TMEM114: variants seen among roughly 807,000 people sequenced by gnomAD.
TMEM114 encodes the protein transmembrane protein 114.
TMEM114 carries 6 observed loss-of-function variants against 6.2 expected under a neutral mutation model. That is an observed-to-expected ratio of 0.97 (90% CI 0.53 to 1.91). The LOEUF is 1.91. TMEM114 is among the 40% of genes most tolerant of loss of function. The pLI, the probability that TMEM114 is intolerant of heterozygous loss-of-function variation, is 0.01. For synonymous variants in TMEM114, 104 were observed against 73.0 expected (o/e 1.42, Z -2.16); for missense variants, 218 against 158.3 (o/e 1.38, Z -2.02).
intron 2 of TMEM114, among the ~76,000 whole-genome samples, chr16:8,582,999 T>G (rs188312103): frequency 1.0e-3 from 153 of 152,254 alleles, no homozygotes; most frequent in Non-Finnish European, 1.8e-3. Flanking sequence ...CTGCTAGGGT[T>G]CAAATCCTAG....
At chr16:8,537,165 A>G (rs999231874), downstream of TMEM114, among the ~76,000 whole-genome samples, 1 of 151,858 alleles carries the variant, frequency 6.6e-6, no homozygotes, top group Non-Finnish European at 1.5e-5. Flanking sequence ...TGATTGCATC[A>G]CTGCAGTCCA....
At chr16:8,534,398 C>T (rs148656753), downstream of TMEM114, among the ~76,000 whole-genome samples, 1 of 151,102 alleles carries the variant, frequency 6.6e-6, no homozygotes, top group Non-Finnish European at 1.5e-5. Context: ...TATCACTTAT[C>T]ATACTCCTAC....
chr16:8,527,253 C>G, the TMEM114 span, among the ~76,000 whole-genome samples: 1 of 152,294 alleles, frequency 6.6e-6, no homozygotes, highest in Non-Finnish European at 1.5e-5. Context: ...CTGCTCAACT[C>G]ATGGGCCCTT....
intron 2 of TMEM114, among the ~76,000 whole-genome samples, chr16:8,583,510 C>A (rs564735360): frequency 6.6e-6 from 1 of 152,162 alleles, no homozygotes; most frequent in African/African-American, 2.4e-5. Flanking sequence ...TTTGGGAGGC[C>A]AAGGCAGGAG....
intron 2 of TMEM114, among the ~76,000 whole-genome samples, chr16:8,553,826 A>G (rs970327842): frequency 2.6e-5 from 4 of 151,332 alleles, no homozygotes; most frequent in Non-Finnish European, 5.9e-5. Flanking sequence ...CAGCCTCCCA[A>G]GTAGCTGGAA....
chr16:8,540,002 G>C lies in TMEM114; in HGVS notation n.213-2176C>G, dbSNP rs542259402. On this transcript the variant is annotated intron_variant and non_coding_transcript_variant, in intron 2 of 2. Coordinates refer to the TMEM114 transcript ENST00000623677. ...CTGGCTGATTTTTGTATTTTTAGTA[G>C]AGATGGGGTTTCACCACGTTGACCA... Among the ~76,000 whole-genome samples, 68 of 152,042 alleles carry C rather than the reference G, an allele frequency of 4.5e-4. 1 individual carries two copies. The Middle Eastern group carries it at 0.031, about 68-fold the overall frequency.
At chr16:8,537,532 T>C (rs1900394833), downstream of TMEM114, 1 of 152,052 alleles carries the variant, frequency 6.6e-6, no homozygotes, top group Admixed American at 6.6e-5. Flanking sequence ...AAAACAAATA[T>C]ATATTTATAT....
intron 3 of TMEM114, among the ~76,000 whole-genome samples, chr16:8,571,304 T>G (rs954513030): frequency 2.6e-5 from 4 of 152,178 alleles, no homozygotes; most frequent in Non-Finnish European, 5.9e-5. Context: ...TGCTGCTGTT[T>G]AATTGACAAG....
intron 2 of TMEM114, among the ~76,000 whole-genome samples, chr16:8,581,100 C>T (rs1468383286): frequency 6.6e-6 from 1 of 152,100 alleles, no homozygotes; most frequent in Non-Finnish European, 1.5e-5. Flanking sequence ...ATAAGGTAAA[C>T]GTGCATCTTA....
intron 2 of TMEM114, among the ~76,000 whole-genome samples, chr16:8,544,547 G>A (rs550721543): frequency 6.6e-5 from 10 of 152,252 alleles, no homozygotes; most frequent in South Asian, 2.1e-4. Flanking sequence ...ATGAGCAGTC[G>A]GTAGACGACC....
At chr16:8,526,940 G>T in the TMEM114 span, among the ~76,000 whole-genome samples, 1 of 152,322 alleles carries the variant, frequency 6.6e-6, no homozygotes, top group Admixed American at 6.5e-5. Context: ...GGGCACGGTG[G>T]CTCGTGCCTG....
At chr16:8,526,956 C>T in the TMEM114 span, among the ~76,000 whole-genome samples, 8 of 152,260 alleles carry the variant, frequency 5.3e-5, no homozygotes, top group Admixed American at 5.2e-4. Flanking sequence ...GCCTGTAATC[C>T]CAGCACTTTT....
downstream of TMEM114, among the ~76,000 whole-genome samples, chr16:8,566,524 C>T (rs1901550878): frequency 6.6e-6 from 1 of 151,638 alleles, no homozygotes; most frequent in Admixed American, 6.6e-5. Context: ...CAGAATGGAT[C>T]AGAATAGAAC....
downstream of TMEM114, among the ~76,000 whole-genome samples, chr16:8,535,845 A>G (rs1193018679): frequency 6.6e-6 from 1 of 152,184 alleles, no homozygotes; most frequent in Non-Finnish European, 1.5e-5. Flanking sequence ...CACAATACCC[A>G]TGTTTTAGCC....
At chr16:8,541,180 A>G (rs1275067644) in intron 2 of TMEM114, among the ~76,000 whole-genome samples, 1 of 152,162 alleles carries the variant, frequency 6.6e-6, no homozygotes, top group Non-Finnish European at 1.5e-5. Context: ...TGACAATACC[A>G]TGAAGTTGGT....
At chr16:8,580,425 T>G (rs1181099675) in intron 2 of TMEM114, among the ~76,000 whole-genome samples, 2 of 148,764 alleles carry the variant, frequency 1.3e-5, no homozygotes, top group Non-Finnish European at 3.0e-5. Flanking sequence ...AGGCGGAGGC[T>G]GCAGTGAGGC....
intron 2 of TMEM114, among the ~76,000 whole-genome samples, chr16:8,563,295 GAATA>G (rs1457808206): frequency 1.3e-5 from 2 of 150,164 alleles, no homozygotes; most frequent in African/African-American, 2.5e-5. Context: ...ATGAGTGAGT[GAATA>G]AATGAGTGAG....
intron 2 of TMEM114, among the ~76,000 whole-genome samples, chr16:8,550,830 C>T (rs1900819073): frequency 1.3e-5 from 2 of 152,146 alleles, no homozygotes; most frequent in Admixed American, 1.3e-4. Flanking sequence ...AGATTCATCC[C>T]CTTCTTCACC....
intron 2 of TMEM114, among the ~76,000 whole-genome samples, chr16:8,542,800 C>T (rs1900553635): frequency 6.6e-6 from 1 of 152,268 alleles, no homozygotes; most frequent in East Asian, 1.9e-4. Flanking sequence ...TCAGTCTCAA[C>T]TCCCCAATCC....
Sources: gnomAD v4.1 joint callset for allele counts (sites outside exome capture counted in the v4.1 genomes callset) on GRCh38, gnomAD v4.1.1 for gene constraint, MANE v1.5 for transcripts, NCBI Gene and HGNC (gene_info 2026-07-23, HGNC 2026-07-21) for gene names.